GNG2: variants seen among roughly 807,000 people sequenced by gnomAD.
The protein encoded by GNG2 is guanine nucleotide-binding protein G(I)/G(S)/G(O) subunit gamma-2.
GNG2 carries 5 observed loss-of-function variants against 5.5 expected under a neutral mutation model. The observed-to-expected ratio is 0.91, with a 90% CI of 0.48 to 1.92. The LOEUF (loss-of-function observed/expected upper bound fraction) is 1.92, where lower values mean the gene tolerates loss of function less well. GNG2 is among the 30% of genes most tolerant of loss of function. The probability of loss-of-function intolerance (pLI) is 0.01; values close to 1 mark genes in which losing one functional copy is unlikely to be tolerated. For missense variants in GNG2, 55 were observed against 88.4 expected (o/e 0.62, Z 1.52); for synonymous variants, 28 against 32.0 (o/e 0.88, Z 0.42).
intron 1 of GNG2, among the ~76,000 whole-genome samples, chr14:51,826,732 CAACGTTACTTGCTGAA>C (rs1555346805): frequency 6.6e-6 from 1 of 152,082 alleles, no homozygotes; most frequent in Non-Finnish European, 1.5e-5. Flanking sequence ...TTGATGGGAC[CAACGTTACTTGCTGAA>C]GTAGGAGATG....
intron 2 of GNG2, among the ~76,000 whole-genome samples, chr14:51,932,147 T>G (rs552501618): frequency 5.6e-5 from 8 of 143,666 alleles, no homozygotes; most frequent in Non-Finnish European, 1.2e-4. Context: ...CTTGGGAGGC[T>G]GAGGCAGGAG....
chr14:51,859,746 G>C (rs892652424), upstream of GNG2, among the ~76,000 whole-genome samples: 1 of 152,142 alleles, frequency 6.6e-6, no homozygotes, highest in Non-Finnish European at 1.5e-5. Context: ...TGGGTTCTAC[G>C]ATATTACCTC....
Position 51,897,716 on chromosome 14 carries a change from T to G in GNG2, c.-30+20059T>G, listed in dbSNP as rs192698238. Among the ~76,000 whole-genome samples, 3 of 152,260 alleles carry G rather than the reference T, an allele frequency of 2.0e-5. No individual in the cohort carries two copies. In the East Asian group the frequency reaches 5.8e-4, roughly 29 times the overall value. On this transcript the variant is annotated intron_variant, in intron 2 of 3. Coordinates refer to ENST00000556766, the MANE Select transcript of GNG2 (RefSeq NM_053064.5). The stretch of plus-strand genomic sequence containing the variant: ...ACCTGGTTCTGGGAGGGCAAGGAAC[T>G]TATGTGATGGGAGGCTACGTGAACT...
At chr14:51,949,798 A>G (rs1445728819) in intron 2 of GNG2, among the ~76,000 whole-genome samples, 2 of 152,222 alleles carry the variant, frequency 1.3e-5, no homozygotes, top group African/African-American at 4.8e-5. Flanking sequence ...ATTTTCCAAG[A>G]TGAACAATAA....
chr14:51,928,202 T>C (rs1275214860), intron 2 of GNG2, among the ~76,000 whole-genome samples: 7 of 151,948 alleles, frequency 4.6e-5, no homozygotes, highest in Admixed American at 3.9e-4. Flanking sequence ...GCTAATTTTT[T>C]TGTATTTTTA....
chr14:51,858,133 A>G (rs1882246944), upstream of GNG2, among the ~76,000 whole-genome samples: 1 of 152,204 alleles, frequency 6.6e-6, no homozygotes, highest in Admixed American at 6.5e-5. Context: ...TAATGGCGAG[A>G]TGTCATTTTC....
chr14:51,921,086 A>G (rs947854321), intron 2 of GNG2, among the ~76,000 whole-genome samples: 6 of 152,218 alleles, frequency 3.9e-5, no homozygotes, highest in Admixed American at 2.6e-4. Flanking sequence ...TTTCATATTC[A>G]GTGTCCTAAA....
intron 2 of GNG2, among the ~76,000 whole-genome samples, chr14:51,928,104 C>T (rs1424832229): frequency 6.8e-6 from 1 of 148,114 alleles, no homozygotes; most frequent in Non-Finnish European, 1.5e-5. Flanking sequence ...GATCGTGGCT[C>T]ACTGCAACCT....
intron 2 of GNG2, among the ~76,000 whole-genome samples, chr14:51,900,189 T>A (rs1175237791): frequency 6.6e-6 from 1 of 152,240 alleles, no homozygotes; most frequent in Non-Finnish European, 1.5e-5. Flanking sequence ...TTCTGTTTTT[T>A]AAATTCTAAT....
intron 2 of GNG2, among the ~76,000 whole-genome samples, chr14:51,942,113 G>C (rs4271524): frequency 0.48 from 72,785 of 152,048 alleles, 17,756 homozygotes; most frequent in East Asian, 0.64. Context: ...ACCAGATATC[G>C]ATAAAGCATA....
chr14:51,910,046 CTA>C (rs1886201584), intron 2 of GNG2, among the ~76,000 whole-genome samples: 1 of 152,206 alleles, frequency 6.6e-6, no homozygotes. Context: ...GGGGCGGAAG[CTA>C]TGATAAGCCC....
At chr14:51,965,297 A>G (rs938546612) in intron 3 of GNG2, among the ~76,000 whole-genome samples, 1 of 152,214 alleles carries the variant, frequency 6.6e-6, no homozygotes, top group Non-Finnish European at 1.5e-5. Context: ...TAGTTACTTG[A>G]CAGGCGTTCG....
rs568314639 is a variant in GNG2 at position 51,845,624 on chromosome 14, G to A, written c.64+17817G>A. 5.9e-5 allele frequency among the ~76,000 whole-genome samples: 9 copies of A among 152,280 alleles called. No individual in the cohort carries two copies. The South Asian group carries it at 6.2e-4, about 11-fold the overall frequency. On this transcript the variant is annotated intron_variant, in intron 2 of 3. Coordinates refer to the GNG2 transcript ENST00000553432. ...AAGGCAGTACTCAGTGGCCAAATACGTTTGGGAAATGCCATTCTTATTCTG... is the reference window on the plus strand; with the variant it reads ...AAGGCAGTACTCAGTGGCCAAATACATTTGGGAAATGCCATTCTTATTCTG...
At chr14:51,861,628 G>A (rs1882488195) in intron 1 of GNG2, among the ~76,000 whole-genome samples, 2 of 152,162 alleles carry the variant, frequency 1.3e-5, no homozygotes, top group African/African-American at 4.8e-5. Context: ...ACCAGAACAT[G>A]ATTTTTATTC....
chr14:51,904,270 C>G (rs1416178031), intron 2 of GNG2, among the ~76,000 whole-genome samples: 1 of 152,174 alleles, frequency 6.6e-6, no homozygotes, highest in African/African-American at 2.4e-5. Flanking sequence ...CACTGATTCT[C>G]CACATTACCA....
At chr14:51,916,891 T>C (rs1480278524) in intron 2 of GNG2, among the ~76,000 whole-genome samples, 1 of 152,202 alleles carries the variant, frequency 6.6e-6, no homozygotes, top group East Asian at 1.9e-4. Flanking sequence ...AACAGTGGGA[T>C]GAAGGTAGCA....
chr14:51,899,780 G>C (rs964462496), intron 2 of GNG2, among the ~76,000 whole-genome samples: 1 of 152,242 alleles, frequency 6.6e-6, no homozygotes, highest in East Asian at 1.9e-4. Context: ...TTTATGACTG[G>C]CTTATTTCAC....
chr14:51,855,246 G>A (rs983611716), intron 2 of GNG2, among the ~76,000 whole-genome samples: 1 of 152,202 alleles, frequency 6.6e-6, no homozygotes, highest in African/African-American at 2.4e-5. Context: ...TGAAAGAGTT[G>A]GCTATCACTC....
In GNG2 at chr14:51,862,829, A is replaced by G. The variant is rs73291080; in HGVS notation, c.-71+2039A>G. 9.8e-3 allele frequency among the ~76,000 whole-genome samples: 1,488 copies of G among 152,362 alleles called. 28 individuals are homozygous for G. The highest frequency in any genetic ancestry group is 0.035 in the African/African-American group (1,437 of 41,580). ...ACAGCAGATCAGTAACTATGATGGT[A>G]GAATGTTTAGGAAAAAGATGAATAT... On this transcript the variant is annotated intron_variant, in intron 1 of 3. Transcript: ENST00000556766.
Sources: gnomAD v4.1 joint callset for allele counts (sites outside exome capture counted in the v4.1 genomes callset) on GRCh38, gnomAD v4.1.1 for gene constraint, MANE v1.5 for transcripts, NCBI Gene and HGNC (gene_info 2026-07-23, HGNC 2026-07-21) for gene names.